Variants in TMPO observed in about 807,000 individuals in gnomAD.
TMPO encodes thymopoietin, also known as LEM domain containing 4.
A neutral mutation model predicts 45.4 loss-of-function variants in TMPO; 22 were observed. The observed-to-expected ratio is 0.48, with a 90% CI of 0.35 to 0.69. TMPO has a LOEUF of 0.69. Ranked by LOEUF, TMPO falls within the 30% of genes least tolerant of loss-of-function variation. The pLI is 0.01. For missense variants in TMPO, 512 were observed against 548.8 expected (o/e 0.93, Z 0.67); for synonymous variants, 241 against 204.1 (o/e 1.18, Z -1.54).
chr12:98,537,653 T>C, intron 4 of TMPO, 81 bp downstream of exon 4: 1 of 1,046,664 alleles, frequency 9.6e-7, no homozygotes, highest in Non-Finnish European at 1.5e-6. Context: ...CCTTTAATGG[T>C]TGACACCCAG....
At chr12:98,535,100 T>C (rs1877489170) in intron 3 of TMPO, 3 of 976,010 alleles carry the variant, frequency 3.1e-6, no homozygotes, top group South Asian at 9.5e-5. Context: ...ACCAGTACCA[T>C]GGACCACACT....
chr12:98,545,704 C>A (rs1878189820), intron 7 of TMPO, among the ~76,000 whole-genome samples: 1 of 151,636 alleles, frequency 6.6e-6, no homozygotes, highest in Admixed American at 6.6e-5. Context: ...TTATCTTTTA[C>A]TACAGAATTC....
rs35998138 is a variant in TMPO, at chr12:98,532,970, T to G, written c.565+1132T>G. 5,595 of 1,614,158 alleles carry G rather than the reference T, an allele frequency of 3.5e-3. 141 individuals carry two copies. In the African/African-American group the frequency reaches 0.061, roughly 18 times the overall value. ...CGTCCTCCTTTGGGCAGTACCGAACTACAGGCAGCTAAGAAAGTACATACT... is the reference window on the plus strand; with the variant it reads ...CGTCCTCCTTTGGGCAGTACCGAACGACAGGCAGCTAAGAAAGTACATACT... On this transcript the variant is annotated intron_variant, in intron 3 of 8. Transcript: ENST00000556029.
Position 98,547,980 on chromosome 12 carries a change from T to C in TMPO, c.*122T>C, listed in dbSNP as rs2121264321. On this transcript the variant is annotated 3_prime_UTR_variant, in exon 9 of 9. Transcript: ENST00000556029. The stretch of plus-strand genomic sequence containing the variant: ...TGTGATTTCGCCTCAATAAATGTAG[T>C]ATTTCATTGAAAAGCAAACAAAATA... 7 of 1,179,814 alleles carry C rather than the reference T, an allele frequency of 5.9e-6. No individual in the cohort carries two copies. Among genetic ancestry groups the C allele is most frequent in the South Asian group, 2.8e-5 (2 of 71,476 alleles). 73.1% of individuals were successfully genotyped at this position (1,179,814 alleles called of 1,614,324 possible).
intron 1 of TMPO, among the ~76,000 whole-genome samples, chr12:98,526,913 G>T (rs1420852678): frequency 2.0e-5 from 3 of 151,688 alleles, no homozygotes; most frequent in African/African-American, 4.8e-5. Flanking sequence ...AGCCAAGATT[G>T]CACCGCTGCG....
intron 1 of TMPO, among the ~76,000 whole-genome samples, chr12:98,517,805 G>A (rs577573748): frequency 6.6e-6 from 1 of 152,324 alleles, no homozygotes; most frequent in Non-Finnish European, 1.5e-5. Flanking sequence ...AAATAAAAGC[G>A]TACCCGCTTA....
chr12:98,525,164 C>G (rs1876672300), intron 1 of TMPO, among the ~76,000 whole-genome samples: 1 of 152,084 alleles, frequency 6.6e-6, no homozygotes, highest in South Asian at 2.1e-4. Context: ...AGAAATAAGT[C>G]TTAGAACTCT....
In TMPO at chr12:98,515,856, C is replaced by T; in HGVS notation, c.-12C>T. ...CAAAGGCTGTGGGGAGGGGGCTTCG[C>T]AGATCCCCGAGATGCCGGAGTTCCT... On this transcript the variant is annotated 5_prime_UTR_variant, in exon 1 of 9. Transcript: ENST00000556029. 6.2e-7 allele frequency: 1 copy of T among 1,609,798 alleles called. No individual in the cohort carries two copies. The highest frequency in any genetic ancestry group is 8.5e-7 in the Non-Finnish European group (1 of 1,178,130).
At chr12:98,546,473 C>T (rs770151586) in intron 8 of TMPO, 26 bp downstream of exon 8, 6 of 1,356,260 alleles carry the variant, frequency 4.4e-6, no homozygotes, top group Non-Finnish European at 6.3e-6. Flanking sequence ...TAAACAAGTA[C>T]TAGTGTATTC....
At chr12:98,520,890 A>C (rs1876302589) in intron 1 of TMPO, among the ~76,000 whole-genome samples, 1 of 151,846 alleles carries the variant, frequency 6.6e-6, no homozygotes, top group Non-Finnish European at 1.5e-5. Context: ...ATATTTCTTA[A>C]AGAATATTTA....
At chr12:98,534,785 T>C in intron 3 of TMPO, 1 of 1,010,140 alleles carries the variant, frequency 9.9e-7, no homozygotes, top group Non-Finnish European at 1.2e-6. Flanking sequence ...CAGTATCTTT[T>C]CACGTTCCAT....
At chr12:98,524,813 C>T (rs1417598688) in intron 1 of TMPO, among the ~76,000 whole-genome samples, 2 of 152,092 alleles carry the variant, frequency 1.3e-5, no homozygotes, top group African/African-American at 2.4e-5. Context: ...ATGCTGGTCT[C>T]GAACTCCTGA....
chr12:98,547,466 C>T, intron 8 of TMPO, 107 bp from the exon 9 acceptor site: 6 of 1,338,888 alleles, frequency 4.5e-6, no homozygotes, highest in Non-Finnish European at 6.3e-6. Flanking sequence ...ACTGTTACCT[C>T]AGGGAATGTG....
At chr12:98,534,817 A>G (rs1028169053) in intron 3 of TMPO, 2 of 1,002,232 alleles carry the variant, frequency 2.0e-6, no homozygotes, top group East Asian at 1.0e-4. Context: ...ATTTTTGCTC[A>G]TATTTTCTTA....
At chr12:98,541,940 A>G (rs1219983837) in intron 4 of TMPO, among the ~76,000 whole-genome samples, 1 of 152,176 alleles carries the variant, frequency 6.6e-6, no homozygotes, top group Non-Finnish European at 1.5e-5. Context: ...ATCACTCCAT[A>G]TCGGAACGTA....
chr12:98,524,321 C>T (rs879735162), intron 1 of TMPO, among the ~76,000 whole-genome samples: 1 of 152,146 alleles, frequency 6.6e-6, no homozygotes, highest in Non-Finnish European at 1.5e-5. Context: ...CGCCTGTAAT[C>T]CCAGCACTTT....
In TMPO at chr12:98,534,199, G is replaced by T. The variant is rs746160070; in HGVS notation, c.565+2361G>T. On this transcript the variant is annotated intron_variant, in intron 3 of 8. Transcript: ENST00000556029. ...TGCCCATACCATGGGAAATGCCACT[G>T]TAGGTCGTCGATACCTCTGGCTGAA... The T allele has an allele frequency of 1.1e-5, 17 of 1,613,860 alleles. No homozygotes were observed. In the African/African-American group the frequency reaches 1.7e-4, roughly 16 times the overall value.
rs551475537 is a variant in TMPO at position 98,515,784 on chromosome 12, G to T, written c.-84G>T. 62 of 1,551,068 alleles carry T rather than the reference G, an allele frequency of 4.0e-5. No homozygotes were observed. In the African/African-American group the frequency reaches 7.4e-4, roughly 18 times the overall value. ...GGAGCCGTGAGGCTCGGAGGCGGCAGCGCGGTCCCCGGCCAGGAGCAAGCG... is the reference window on the plus strand; with the variant it reads ...GGAGCCGTGAGGCTCGGAGGCGGCATCGCGGTCCCCGGCCAGGAGCAAGCG... On this transcript the variant is annotated 5_prime_UTR_variant, in exon 1 of 9. Transcript: ENST00000556029.
Position 98,533,109 on chromosome 12 carries a change from TG to T in TMPO, c.565+1272del, listed in dbSNP as rs868100288. The T allele has an allele frequency of 3.7e-6, 6 of 1,614,190 alleles. No individual in the cohort carries two copies. Among genetic ancestry groups the T allele is most frequent in the Middle Eastern group, 3.3e-4 (2 of 6,062 alleles). ...TGTTTATTTCATGCAAGTCTAGCCA[TG>T]ATAGGTGTTTAGAGAAAAGTTCTTC... On this transcript the variant is annotated intron_variant, in intron 3 of 8. Transcript: ENST00000556029.
Sources: allele counts gnomAD v4.1 joint callset (sites outside exome capture counted in the v4.1 genomes callset), GRCh38; gene constraint gnomAD v4.1.1; transcripts MANE v1.5; gene names NCBI Gene and HGNC (gene_info 2026-07-23, HGNC 2026-07-21).